Variants in IL15 observed in about 807,000 individuals in gnomAD.
IL15 encodes interleukin 15, also known as interleukin-15.
IL15 carries 11 observed loss-of-function variants against 19.6 expected under a neutral mutation model. The observed-to-expected ratio is 0.56, with a 90% CI of 0.35 to 0.93. IL15 has a LOEUF of 0.93. IL15 is among the 40% of genes least tolerant of loss of function. IL15 has a pLI of 0.01. For synonymous variants in IL15, 58 were observed against 59.6 expected (o/e 0.97, Z 0.12); for missense variants, 197 against 186.5 (o/e 1.06, Z -0.33).
At chr4:141,643,761 A>G (rs549393936) in intron 1 of IL15, among the ~76,000 whole-genome samples, 19 of 152,032 alleles carry the variant, frequency 1.2e-4, no homozygotes, top group East Asian at 5.9e-4. Flanking sequence ...ATCTAGTGTC[A>G]TGGTTTTTAA....
intron 2 of IL15, among the ~76,000 whole-genome samples, chr4:141,693,133 A>G (rs1030319939): frequency 6.6e-6 from 1 of 151,796 alleles, no homozygotes; most frequent in Admixed American, 6.6e-5. Flanking sequence ...GAAACTTACA[A>G]TCATGGCAGA....
intron 2 of IL15, among the ~76,000 whole-genome samples, chr4:141,685,488 T>C (rs1372813624): frequency 6.6e-6 from 1 of 152,176 alleles, no homozygotes; most frequent in African/African-American, 2.4e-5. Flanking sequence ...AAGAGATGAC[T>C]TTTGGAATAT....
intron 1 of IL15, among the ~76,000 whole-genome samples, chr4:141,649,900 G>T (rs1727348786): frequency 6.6e-6 from 1 of 152,044 alleles, no homozygotes; most frequent in South Asian, 2.1e-4. Context: ...GTATATCTAT[G>T]AAAAATCTAT....
intron 1 of IL15, among the ~76,000 whole-genome samples, chr4:141,641,488 A>G (rs1727039939): frequency 6.6e-6 from 1 of 152,166 alleles, no homozygotes; most frequent in South Asian, 2.1e-4. Flanking sequence ...TGGCACATAT[A>G]CACCATAGAA....
intron 2 of IL15, chr4:141,715,482 T>C (rs1258547032): frequency 6.6e-6 from 1 of 152,208 alleles, no homozygotes; most frequent in African/African-American, 2.4e-5. Flanking sequence ...TCCTAGATAA[T>C]TTTTCACTCT....
chr4:141,727,984 C>A lies in IL15; in HGVS notation c.240C>A (p.His80Gln). Reference protein sequence around the residue: ...DATLYTESDVHPSCKVTAMKC... With the variant: ...DATLYTESDVQPSCKVTAMKC... ...CTTTATATACGGAAAGTGATGTTCA[C>A]GTGAGTATACTTTTTTTCAAAATTG... The change falls in exon 6 of 8, where the codon CAC becomes CAA. Residue 80 changes from histidine (H) to glutamine (Q), a missense_variant and splice_region_variant. By Grantham distance (24) the His-to-Gln change is conservative. Coordinates refer to ENST00000320650, the MANE Select transcript of IL15 (RefSeq NM_000585.5). The A allele has an allele frequency of 1.5e-6, 2 of 1,321,796 alleles. No individual in the cohort carries two copies. Among genetic ancestry groups the A allele is most frequent in the Non-Finnish European group, 1.1e-6 (1 of 938,362 alleles). The allele number at this position is 1,321,796 out of a possible 1,614,324, so 81.9% of individuals were successfully genotyped here.
rs1729103528 is a variant in IL15 at position 141,696,585 on chromosome 4, G to A, written c.-99-22781G>A. ...CACTGGATAGCTTTCCATTTTTTCA[G>A]TGTCTTCACATTCGTTCAGAAAAGG... On this transcript the variant is annotated intron_variant, in intron 2 of 7. Coordinates refer to ENST00000320650, the MANE Select transcript of IL15 (RefSeq NM_000585.5). Among the ~76,000 whole-genome samples, 4 of 151,864 alleles carry A rather than the reference G, an allele frequency of 2.6e-5. No homozygotes were observed. The South Asian group carries it at 6.2e-4, about 24-fold the overall frequency.
intron 2 of IL15, among the ~76,000 whole-genome samples, chr4:141,690,870 G>T (rs1261930162): frequency 6.6e-6 from 1 of 152,110 alleles, no homozygotes; most frequent in African/African-American, 2.4e-5. Flanking sequence ...TGTGCTTCAT[G>T]TTTCATGCCT....
intron 6 of IL15, among the ~76,000 whole-genome samples, chr4:141,729,027 T>C (rs768464287): frequency 6.6e-6 from 1 of 152,170 alleles, no homozygotes; most frequent in Non-Finnish European, 1.5e-5. Context: ...TAAACATTTC[T>C]GAAGCTCATT....
At chr4:141,675,863 A>C (rs1275182551) in intron 2 of IL15, among the ~76,000 whole-genome samples, 8 of 152,212 alleles carry the variant, frequency 5.3e-5, no homozygotes, top group Non-Finnish European at 1.2e-4. Context: ...TGTAGCTTTT[A>C]TGTGGGTACA....
intron 2 of IL15, among the ~76,000 whole-genome samples, chr4:141,671,588 G>T: frequency 6.6e-6 from 1 of 152,166 alleles, no homozygotes; most frequent in South Asian, 2.1e-4. Flanking sequence ...CTGGTGCCTC[G>T]GTGATGGCTG....
intron 5 of IL15, among the ~76,000 whole-genome samples, chr4:141,725,540 A>G (rs921544192): frequency 6.6e-6 from 1 of 152,150 alleles, no homozygotes; most frequent in Non-Finnish European, 1.5e-5. Context: ...TGAGAAAATA[A>G]AGTTCTATTA....
chr4:141,666,597 G>A (rs1419373531), intron 2 of IL15, among the ~76,000 whole-genome samples: 1 of 151,766 alleles, frequency 6.6e-6, no homozygotes, highest in Non-Finnish European at 1.5e-5. Flanking sequence ...ATCTATCTCA[G>A]CCTCCCAAAG....
At chr4:141,681,330 T>C (rs953104361) in intron 2 of IL15, among the ~76,000 whole-genome samples, 1 of 151,642 alleles carries the variant, frequency 6.6e-6, no homozygotes, top group Non-Finnish European at 1.5e-5. Flanking sequence ...TAAAGGGTAA[T>C]AGAAGTCATA....
intron 6 of IL15, among the ~76,000 whole-genome samples, chr4:141,728,625 C>T (rs1183752121): frequency 1.3e-5 from 2 of 152,086 alleles, no homozygotes; most frequent in South Asian, 2.1e-4. Context: ...CCCAACTTCA[C>T]GTCAGGGAAA....
chr4:141,722,490 A>G (rs548982788), intron 5 of IL15, among the ~76,000 whole-genome samples: 1 of 152,206 alleles, frequency 6.6e-6, no homozygotes, highest in African/African-American at 2.4e-5. Context: ...CTAAATTGTC[A>G]TTGGAATCAC....
At chr4:141,697,587 A>G (rs1036983157) in intron 2 of IL15, among the ~76,000 whole-genome samples, 1 of 152,112 alleles carries the variant, frequency 6.6e-6, no homozygotes, top group Non-Finnish European at 1.5e-5. Flanking sequence ...TTGAATGACC[A>G]GATTGCTTTT....
chr4:141,727,837 T>G, intron 5 of IL15, 103 bp from the exon 6 acceptor site: 2 of 652,554 alleles, frequency 3.1e-6, no homozygotes, highest in Admixed American at 3.2e-5. Flanking sequence ...TATCTCAAAA[T>G]AAAAAAAGAA....
At chr4:141,659,701 G>C (rs1441660727) in intron 2 of IL15, among the ~76,000 whole-genome samples, 10 of 152,244 alleles carry the variant, frequency 6.6e-5, no homozygotes, top group Non-Finnish European at 1.2e-4. Context: ...GATCAATTCT[G>C]TGGCAAATAA....
Sources: gnomAD v4.1 joint callset for allele counts (sites outside exome capture counted in the v4.1 genomes callset) on GRCh38, gnomAD v4.1.1 for gene constraint, MANE v1.5 for transcripts, NCBI Gene and HGNC (gene_info 2026-07-23, HGNC 2026-07-21) for gene names.